NRXN1: variants seen among roughly 807,000 people sequenced by gnomAD.
NRXN1 encodes the protein neurexin 1.
NRXN1 carries 39 observed loss-of-function variants against 150.9 expected under a neutral mutation model. The observed-to-expected ratio is 0.26, with a 90% confidence interval of 0.20 to 0.34. The LOEUF is 0.34. NRXN1 is among the 10% of genes least tolerant of loss of function. The pLI, the probability that NRXN1 is intolerant of heterozygous loss-of-function variation, is 1.00. For synonymous variants in NRXN1, 924 were observed against 757.0 expected, an observed-to-expected ratio of 1.22 and a Z score of -3.62; for missense variants, 1,815 against 1,949.9, an observed-to-expected ratio of 0.93 and a Z score of 1.30.
chr2:50,734,506 T>G (rs776841651), intron 5 of NRXN1, among the ~76,000 whole-genome samples: 1 of 152,160 alleles, frequency 6.6e-6, no homozygotes, highest in Non-Finnish European at 1.5e-5. Context: ...TATGATTACT[T>G]TGTTTTTGTT....
At chr2:50,602,760 C>T (rs980365099) in intron 8 of NRXN1, among the ~76,000 whole-genome samples, 4 of 152,182 alleles carry the variant, frequency 2.6e-5, no homozygotes, top group Admixed American at 1.3e-4. Context: ...GAAAAGAAAG[C>T]ATGTTTTGAA....
At chr2:50,473,748 A>C (rs1001601671) in intron 15 of NRXN1, among the ~76,000 whole-genome samples, 2 of 152,026 alleles carry the variant, frequency 1.3e-5, no homozygotes, top group African/African-American at 2.4e-5. Flanking sequence ...TGATACACAG[A>C]CTGTTGAGCT....
chr2:50,539,860 A>G (rs1260982964), intron 9 of NRXN1, among the ~76,000 whole-genome samples: 2 of 152,222 alleles, frequency 1.3e-5, no homozygotes, highest in African/African-American at 4.8e-5. Flanking sequence ...AGTAAGGACA[A>G]AAAGAAGAAG....
At chr2:50,710,361 C>A (rs1055763807) in intron 5 of NRXN1, among the ~76,000 whole-genome samples, 11 of 152,100 alleles carry the variant, frequency 7.2e-5, no homozygotes, top group African/African-American at 2.7e-4. Context: ...TTTCAATTCC[C>A]ACTTCTATAA....
chr2:50,933,817 A>G (rs1162827159), intron 2 of NRXN1, among the ~76,000 whole-genome samples: 1 of 152,140 alleles, frequency 6.6e-6, no homozygotes, highest in Admixed American at 6.6e-5. Flanking sequence ...TGCTGAACAG[A>G]AAGAGAAATT....
intron 5 of NRXN1, among the ~76,000 whole-genome samples, chr2:50,786,382 C>A (rs573829764): frequency 5.9e-5 from 9 of 152,236 alleles, no homozygotes; most frequent in African/African-American, 2.2e-4. Context: ...TTCATCCACA[C>A]TCTCAGTACC....
intron 21 of NRXN1, among the ~76,000 whole-genome samples, chr2:50,024,945 A>G (rs1054008393): frequency 1.1e-4 from 17 of 152,124 alleles, no homozygotes; most frequent in African/African-American, 4.1e-4. Context: ...TTACTCACCT[A>G]TAAAGTGAAG....
intron 18 of NRXN1, among the ~76,000 whole-genome samples, chr2:50,171,825 C>A (rs576336916): frequency 9.9e-5 from 15 of 152,122 alleles, no homozygotes; most frequent in Non-Finnish European, 7.4e-5. Context: ...AACAAACAGG[C>A]GACCACTGGT....
chr2:50,557,692 T>C (rs1436023104), intron 8 of NRXN1, among the ~76,000 whole-genome samples: 2 of 152,210 alleles, frequency 1.3e-5, no homozygotes, highest in Non-Finnish European at 2.9e-5. Context: ...GAGTAAGTGA[T>C]CAAGTAAATA....
At chr2:50,121,020 G>T (rs192087212) in intron 18 of NRXN1, among the ~76,000 whole-genome samples, 1 of 152,028 alleles carries the variant, frequency 6.6e-6, no homozygotes, top group Non-Finnish European at 1.5e-5. Flanking sequence ...TAGTTATCTC[G>T]TCTGTTTTTT....
chr2:50,664,485 T>C (rs529225489), intron 5 of NRXN1, among the ~76,000 whole-genome samples: 113 of 151,146 alleles, frequency 7.5e-4, no homozygotes, highest in South Asian at 1.5e-3. Context: ...TGGGTTTTTT[T>C]CTCTACATTG....
chr2:50,141,368 A>G (rs1707251372), intron 18 of NRXN1, among the ~76,000 whole-genome samples: 1 of 152,122 alleles, frequency 6.6e-6, no homozygotes, highest in African/African-American at 2.4e-5. Context: ...AGAAAAAAAC[A>G]TAGGGAAAAC....
At chr2:50,667,869 A>G (rs1465654129) in intron 5 of NRXN1, among the ~76,000 whole-genome samples, 3 of 152,010 alleles carry the variant, frequency 2.0e-5, no homozygotes, top group African/African-American at 7.2e-5. Context: ...CCCCAGTGAC[A>G]AAGTTTACTA....
intron 17 of NRXN1, among the ~76,000 whole-genome samples, chr2:50,278,277 A>ATATATATTATATATATATAT: frequency 2.3e-4 from 15 of 65,598 alleles, no homozygotes; most frequent in African/African-American, 8.8e-4. Context: ...TATATGTATT[A>ATATATATTATATATATATAT]TATATATAAT....
At chr2:50,054,247 A>T (rs201324190) in intron 20 of NRXN1, among the ~76,000 whole-genome samples, 5 of 12,474 alleles carry the variant, frequency 4.0e-4, no homozygotes, top group African/African-American at 1.5e-3. Context: ...AAACAAAATG[A>T]AAAAAAAAAA....
intron 2 of NRXN1, among the ~76,000 whole-genome samples, chr2:51,022,265 G>A (rs1669731607): frequency 1.3e-5 from 2 of 151,994 alleles, no homozygotes; most frequent in African/African-American, 2.4e-5. Flanking sequence ...GAAGTCACCT[G>A]CTTCATTTTC....
chr2:51,014,788 C>A (rs956488320), intron 2 of NRXN1, among the ~76,000 whole-genome samples: 2 of 151,890 alleles, frequency 1.3e-5, no homozygotes, highest in Non-Finnish European at 2.9e-5. Flanking sequence ...AAGTCACCTA[C>A]TTTTTAGGGT....
rs1276995237 is a variant in NRXN1 at position 49,919,235 on chromosome 2, T to A, written c.*2709A>T. The A allele has an allele frequency of 6.6e-6, 1 of 152,160 alleles. No homozygotes were observed. Among genetic ancestry groups the A allele is most frequent in the African/African-American group, 2.4e-5 (1 of 41,458 alleles). The allele number at this position is 152,160 out of a possible 1,614,324, so 9.4% of individuals were successfully genotyped here. On this transcript the variant is annotated 3_prime_UTR_variant, in exon 23 of 23. Coordinates refer to ENST00000401669, the MANE Select transcript of NRXN1 (RefSeq NM_001330078.2). ...GCAGGGAACCCTGATATGTTTGGTA[T>A]GAAGATACTTGGGATTCAAGTCATT...
chr2:50,990,453 C>T (rs1698380127), intron 2 of NRXN1, among the ~76,000 whole-genome samples: 1 of 152,088 alleles, frequency 6.6e-6, no homozygotes, highest in South Asian at 2.1e-4. Context: ...GAAGACTATG[C>T]ATAGTTAACA....
Sources: gnomAD v4.1 joint callset for allele counts (sites outside exome capture counted in the v4.1 genomes callset) on GRCh38, gnomAD v4.1.1 for gene constraint, MANE v1.5 for transcripts, NCBI Gene and HGNC (gene_info 2026-07-23, HGNC 2026-07-21) for gene names.